The following ANKRD28 variants were observed in gnomAD, a reference collection of about 807,000 sequenced individuals.
The protein encoded by ANKRD28 is serine/threonine-protein phosphatase 6 regulatory ankyrin repeat subunit A.
Under a neutral mutation model 126.5 loss-of-function variants are expected in ANKRD28, and 44 were observed. The ratio of observed to expected loss-of-function variants is 0.35; its 90% CI spans 0.27 to 0.45. The LOEUF is 0.45. ANKRD28 is among the 20% of genes least tolerant of loss of function. The pLI is 1.00. For missense variants in ANKRD28, 1,110 were observed against 1,316.6 expected (o/e 0.84, Z 2.43); for synonymous variants, 442 against 468.5 (o/e 0.94, Z 0.73).
chr3:15,839,729 G>T lies in ANKRD28; in HGVS notation c.27+19648C>A, dbSNP rs1288294269. Among the ~76,000 whole-genome samples, 1 of 152,086 alleles carries T rather than the reference G, an allele frequency of 6.6e-6. No individual in the cohort carries two copies. The highest frequency in any genetic ancestry group is 1.5e-5 in the Non-Finnish European group (1 of 68,024). ...ACCAAGTGGGACTTATCCCCCGAGG[G>T]ATGCAAGGATGGTTCAACACATGCA... On this transcript the variant is annotated intron_variant, in intron 1 of 27. Transcript: ENST00000399451. This position sits in a 1 kb window ranked among gnomAD's most constrained non-coding sequence, Gnocchi z 4.3.
chr3:15,714,786 T>A, intron 8 of ANKRD28, 130 bp from the exon 9 acceptor site: 1 of 554,774 alleles, frequency 1.8e-6, no homozygotes, highest in South Asian at 5.5e-5. Flanking sequence ...AACTGAGGCC[T>A]ATGGAGGTAA....
Position 15,715,980 on chromosome 3 carries a change from C to T in ANKRD28, c.997-1324G>A, listed in dbSNP as rs2072964409. 2.0e-5 allele frequency among the ~76,000 whole-genome samples: 3 copies of T among 151,660 alleles called. No homozygotes were observed. In the South Asian group the frequency reaches 6.2e-4, roughly 32 times the overall value. On this transcript the variant is annotated intron_variant, in intron 8 of 27. Coordinates refer to ENST00000683139, the MANE Select transcript of ANKRD28 (RefSeq NM_001349278.2). ...TTTAATGTTAATATTTTAGCTATGG[C>T]CTTTTTTTTCTCTCTTTTTTTTTTT...
intron 2 of ANKRD28, among the ~76,000 whole-genome samples, chr3:15,782,289 C>T (rs948656040): frequency 1.3e-5 from 2 of 151,968 alleles, no homozygotes; most frequent in Admixed American, 6.6e-5. Flanking sequence ...TCAGGAGAAA[C>T]TTGTTTCAGT....
chr3:15,776,485 T>C (rs1216159257), intron 2 of ANKRD28, among the ~76,000 whole-genome samples: 2 of 152,234 alleles, frequency 1.3e-5, no homozygotes, highest in African/African-American at 4.8e-5. Context: ...GAAGAAAATA[T>C]ACTGTATGAT....
At chr3:15,800,057 A>G (rs2060432020), upstream of ANKRD28, among the ~76,000 whole-genome samples, 1 of 152,092 alleles carries the variant, frequency 6.6e-6, no homozygotes, top group African/African-American at 2.4e-5. Flanking sequence ...GACAGGATAT[A>G]AAACAAAGGT....
intron 14 of ANKRD28, among the ~76,000 whole-genome samples, chr3:15,705,430 G>A (rs2455829): frequency 0.51 from 77,342 of 151,886 alleles, 21,046 homozygotes; most frequent in Admixed American, 0.6. Context: ...ATCTCTCAGC[G>A]GAATCTGGAT....
intron 23 of ANKRD28, among the ~76,000 whole-genome samples, chr3:15,678,948 AATTT>A (rs747251791): frequency 1.0e-3 from 158 of 152,310 alleles, no homozygotes; most frequent in Admixed American, 1.9e-3. Flanking sequence ...CAGTAGTTAA[AATTT>A]ATTTCTTATT....
chr3:15,703,801 G>C (rs1403652059), intron 14 of ANKRD28, among the ~76,000 whole-genome samples: 2 of 152,082 alleles, frequency 1.3e-5, no homozygotes, highest in African/African-American at 2.4e-5. Context: ...ATGAAGTGCG[G>C]GCTAGAGATA....
intron 1 of ANKRD28, among the ~76,000 whole-genome samples, chr3:15,826,369 A>G (rs1158527770): frequency 6.6e-6 from 1 of 152,224 alleles, no homozygotes. Context: ...CAACAAATGT[A>G]TTATCATGGA....
intron 14 of ANKRD28, among the ~76,000 whole-genome samples, chr3:15,703,566 G>A (rs776902359): frequency 5.9e-5 from 9 of 152,232 alleles, no homozygotes; most frequent in Non-Finnish European, 1.3e-4. Flanking sequence ...GCCTTCTCCA[G>A]ACACTGAATG....
At chr3:15,766,344 T>G in intron 2 of ANKRD28, 32 bp from the exon 3 acceptor site, 1 of 1,513,078 alleles carries the variant, frequency 6.6e-7, no homozygotes, top group Non-Finnish European at 9.1e-7. Context: ...GGAAATAAGT[T>G]TTAAAATAAG....
In ANKRD28 at chr3:15,797,059, C is replaced by T. The variant is rs994226959; in HGVS notation, c.-538G>A. On this transcript the variant is annotated 5_prime_UTR_variant, in exon 1 of 28. Coordinates refer to ENST00000683139, the MANE Select transcript of ANKRD28 (RefSeq NM_001349278.2). The stretch of plus-strand genomic sequence containing the variant: ...AAAATAAAATCTCACTATTCTGTTT[C>T]CACTTCTAATTTGTCTTCATTTCTT... 24 of 985,110 alleles carry T rather than the reference C, an allele frequency of 2.4e-5. No individual in the cohort carries two copies. The highest frequency in any genetic ancestry group is 1.8e-4 in the Admixed American group (3 of 16,232). 61.0% of individuals were successfully genotyped at this position (985,110 alleles called of 1,614,324 possible). A position where few individuals can be genotyped will look rare whatever the true frequency, so the allele number is the denominator to read the frequency against.
chr3:15,791,642 T>C (rs1318498893), intron 2 of ANKRD28, among the ~76,000 whole-genome samples: 3 of 151,686 alleles, frequency 2.0e-5, no homozygotes, highest in Non-Finnish European at 3.0e-5. Context: ...TCAAACTGAA[T>C]CTAATACAAG....
chr3:15,683,166 T>C (rs1319747719), intron 21 of ANKRD28, among the ~76,000 whole-genome samples: 2 of 152,140 alleles, frequency 1.3e-5, no homozygotes, highest in Non-Finnish European at 2.9e-5. Flanking sequence ...CTGTGTGATT[T>C]TTCCAATGGT....
chr3:15,816,176 A>G lies in ANKRD28; in HGVS notation c.28-20870T>C, dbSNP rs999546880. 1.3e-5 allele frequency among the ~76,000 whole-genome samples: 2 copies of G among 152,236 alleles called. No individual in the cohort carries two copies. Among genetic ancestry groups the G allele is most frequent in the Admixed American group, 6.5e-5 (1 of 15,280 alleles). ...GCTTATCAGGCAACATGTAATTGCAATGATTTTCATTGTATTAACTAAAAT... is the reference window on the plus strand; with the variant it reads ...GCTTATCAGGCAACATGTAATTGCAGTGATTTTCATTGTATTAACTAAAAT... On this transcript the variant is annotated intron_variant, in intron 1 of 27. Coordinates refer to the ANKRD28 transcript ENST00000399451. The surrounding 1 kb of genome is among the most constrained non-coding windows in gnomAD (Gnocchi z 5.0).
chr3:15,704,637 T>C (rs747929598), intron 14 of ANKRD28, among the ~76,000 whole-genome samples: 13 of 152,214 alleles, frequency 8.5e-5, no homozygotes, highest in Non-Finnish European at 1.8e-4. Flanking sequence ...CCTGATTCTC[T>C]TATTACTCAA....
At chr3:15,757,074 T>C (rs768954338) in intron 3 of ANKRD28, among the ~76,000 whole-genome samples, 1 of 152,228 alleles carries the variant, frequency 6.6e-6, no homozygotes, top group Non-Finnish European at 1.5e-5. Flanking sequence ...AGGATGAAGA[T>C]GTTTATGATG....
chr3:15,833,189 C>T lies in ANKRD28; in HGVS notation c.27+26188G>A, dbSNP rs1328767388. On this transcript the variant is annotated intron_variant, in intron 1 of 27. Transcript: ENST00000399451. This position sits in a 1 kb window ranked among gnomAD's most constrained non-coding sequence, Gnocchi z 4.4. ...TGCCAAAGGAGATTAACATTTAAGT[C>T]AGTGGGCTGGGAAAGGCGGATCTAC... 6.6e-6 allele frequency among the ~76,000 whole-genome samples: 1 copy of T among 152,008 alleles called. No individual in the cohort carries two copies. The highest frequency in any genetic ancestry group is 1.5e-5 in the Non-Finnish European group (1 of 67,994).
intron 5 of ANKRD28, among the ~76,000 whole-genome samples, chr3:15,736,571 C>T (rs143865208): frequency 1.3e-5 from 2 of 152,352 alleles, no homozygotes; most frequent in Non-Finnish European, 2.9e-5. Context: ...TTTGCTATGA[C>T]ACCTAGCACA....
Sources: allele counts gnomAD v4.1 joint callset (sites outside exome capture counted in the v4.1 genomes callset), GRCh38; gene constraint gnomAD v4.1.1; non-coding constraint Gnocchi (gnomAD v3.1); transcripts MANE v1.5; gene names NCBI Gene and HGNC (gene_info 2026-07-23, HGNC 2026-07-21).